Variants in SIK2 observed in about 807,000 individuals in gnomAD.
The protein encoded by SIK2 is serine/threonine-protein kinase SIK2.
In SIK2, 29 loss-of-function variants were observed where a neutral mutation model predicts 103.2. The ratio of observed to expected loss-of-function variants is 0.28; its 90% CI spans 0.21 to 0.38. The LOEUF is 0.38. Ranked by LOEUF, SIK2 falls within the 10% of genes least tolerant of loss-of-function variation. SIK2 has a pLI of 1.00. For synonymous variants in SIK2, 412 were observed against 446.1 expected (o/e 0.92, Z 0.96); for missense variants, 879 against 1,171.0 (o/e 0.75, Z 3.64).
intron 8 of SIK2, 87 bp from the exon 9 acceptor site, chr11:111,712,123 AG>A: frequency 7.7e-7 from 1 of 1,305,600 alleles, no homozygotes; most frequent in Non-Finnish European, 1.1e-6. Context: ...TAATTGCCAC[AG>A]GAAGAATTAT....
intron 10 of SIK2, 80 bp from the exon 11 acceptor site, chr11:111,720,398 C>T (rs1423963116): frequency 7.1e-7 from 1 of 1,403,912 alleles, no homozygotes; most frequent in African/African-American, 1.4e-5. Context: ...TGTCAAAACT[C>T]AAGCTGGTTA....
At chr11:111,622,456 G>T (rs1039507733) in intron 3 of SIK2, among the ~76,000 whole-genome samples, 1 of 151,396 alleles carries the variant, frequency 6.6e-6, no homozygotes, top group Admixed American at 6.6e-5. Flanking sequence ...GGGTTTCACC[G>T]TGTTAGCCAG....
At position 111,730,144 on chromosome 11, in the gene SIK2, C is replaced by A. The variant is rs951777069; in HGVS notation, c.*6015C>A. 1 of 152,232 alleles carries A rather than the reference C, an allele frequency of 6.6e-6. No individual in the cohort carries two copies. Among genetic ancestry groups the A allele is most frequent in the African/African-American group, 2.4e-5 (1 of 41,480 alleles). The allele number at this position is 152,232 out of a possible 1,614,324, so 9.4% of individuals were successfully genotyped here. On this transcript the variant is annotated 3_prime_UTR_variant, in exon 15 of 15. Transcript: ENST00000304987. ...AGTAATAACAGACTTTGACTTAATACTCTGTCTTTTCAGAGGCAAAGTGGG... is the reference window on the plus strand; with the variant it reads ...AGTAATAACAGACTTTGACTTAATAATCTGTCTTTTCAGAGGCAAAGTGGG...
Position 111,703,199 on chromosome 11 carries a change from A to G in SIK2, c.728-4A>G. On this transcript the variant is annotated splice_polypyrimidine_tract_variant and splice_region_variant and intron_variant, in intron 6 of 14. Coordinates refer to ENST00000304987, the MANE Select transcript of SIK2 (RefSeq NM_015191.3). ...TGACTTTTGTAACATTGTGTTTTCT[A>G]TAGATTGCGAGCACCTTATCCGAAG... The G allele has an allele frequency of 6.2e-7, 1 of 1,613,760 alleles. No homozygotes were observed. The highest frequency in any genetic ancestry group is 8.5e-7 in the Non-Finnish European group (1 of 1,179,844).
chr11:111,721,110 TGA>T, intron 12 of SIK2, 48 bp downstream of exon 12: 1 of 1,566,666 alleles, frequency 6.4e-7, no homozygotes, highest in African/African-American at 1.4e-5. Context: ...GGATGAGGTG[TGA>T]GTTTGTCCTG....
intron 3 of SIK2, among the ~76,000 whole-genome samples, chr11:111,635,765 A>G (rs929094591): frequency 1.3e-5 from 2 of 152,246 alleles, no homozygotes; most frequent in Non-Finnish European, 2.9e-5. Context: ...GATTTCAGCT[A>G]TCTCCTGCTG....
chr11:111,610,119 A>G (rs964708461), intron 1 of SIK2, among the ~76,000 whole-genome samples: 2 of 152,242 alleles, frequency 1.3e-5, no homozygotes, highest in African/African-American at 4.8e-5. Context: ...ACCCAAAAGC[A>G]ACTTTTGTAT....
intron 3 of SIK2, among the ~76,000 whole-genome samples, chr11:111,648,405 C>A (rs1393050842): frequency 6.6e-6 from 1 of 152,100 alleles, no homozygotes; most frequent in Non-Finnish European, 1.5e-5. Context: ...CTTCTCACTG[C>A]ATCCTCACAC....
intron 7 of SIK2, 66 bp from the exon 8 acceptor site, chr11:111,704,921 G>T: frequency 4.9e-6 from 7 of 1,431,144 alleles, no homozygotes; most frequent in South Asian, 4.3e-5. Context: ...TTTTTTTTTA[G>T]GCATGTGTAG....
chr11:111,702,651 T>C (rs1329260206), intron 6 of SIK2, among the ~76,000 whole-genome samples: 2 of 152,150 alleles, frequency 1.3e-5, no homozygotes, highest in Non-Finnish European at 2.9e-5. Context: ...GGTTACCTTA[T>C]GTGTGAGTGA....
At chr11:111,682,695 T>C (rs1942792395) in intron 3 of SIK2, among the ~76,000 whole-genome samples, 1 of 152,262 alleles carries the variant, frequency 6.6e-6, no homozygotes, top group Non-Finnish European at 1.5e-5. Flanking sequence ...TTCATTATAC[T>C]ATTTAATATG....
chr11:111,719,754 C>T, intron 9 of SIK2, 21 bp from the exon 10 acceptor site: 2 of 1,603,450 alleles, frequency 1.2e-6, no homozygotes, highest in Non-Finnish European at 8.5e-7. Flanking sequence ...AACTGAGTTT[C>T]CTCTCTCCCC....
intron 9 of SIK2, among the ~76,000 whole-genome samples, chr11:111,717,177 G>T (rs4936662): frequency 0.24 from 36,816 of 151,672 alleles, 4,659 homozygotes; most frequent in Middle Eastern, 0.31. Flanking sequence ...TTAGCCGGGC[G>T]TGGTGATGGG....
At position 111,692,816 on chromosome 11, in the gene SIK2, G is replaced by GT. The variant is rs925234480; in HGVS notation, c.478+4664dup. 2.8e-3 allele frequency among the ~76,000 whole-genome samples: 412 copies of GT among 145,986 alleles called. 1 individual carries two copies. The highest frequency in any genetic ancestry group is 4.9e-3 in the Admixed American group (72 of 14,646). On this transcript the variant is annotated intron_variant, in intron 4 of 14. Coordinates refer to ENST00000304987, the MANE Select transcript of SIK2 (RefSeq NM_015191.3). ...TCCCTCAAATTATACTTTTTTCTGG[G>GT]TTTTTTTTTTGGCTTATGAAAATCT... is the stretch of plus-strand genomic sequence containing the variant.
In SIK2 at chr11:111,630,926, G is replaced by A. The variant is rs1449880515; in HGVS notation, c.316+10524G>A. 2.0e-5 allele frequency among the ~76,000 whole-genome samples: 3 copies of A among 152,086 alleles called. No individual in the cohort carries two copies. The East Asian group carries it at 5.8e-4, about 29-fold the overall frequency. On this transcript the variant is annotated intron_variant, in intron 3 of 14. Transcript: ENST00000304987. ...TTGAGGGGTAATAGGGTCTACATAG[G>A]ATTCAGTATTATGTAATGGTTTTGG...
intron 9 of SIK2, among the ~76,000 whole-genome samples, chr11:111,713,112 C>G (rs549909918): frequency 6.6e-6 from 1 of 152,156 alleles, no homozygotes; most frequent in African/African-American, 2.4e-5. Flanking sequence ...TGGCAGTGAG[C>G]CGAGATCACA....
rs1387648458 is a variant in SIK2 at position 111,616,293 on chromosome 11, G to A, written c.186G>A (p.Glu62=). The A allele has an allele frequency of 2.5e-6, 4 of 1,613,576 alleles. No homozygotes were observed. In the African/African-American group the frequency reaches 5.3e-5, roughly 22 times the overall value. ...CTCAGCTGGATGCAGTGAACCTTGAGAAAATCTACCGAGAAGTACAAATAA... is the reference window on the plus strand; with the variant it reads ...CTCAGCTGGATGCAGTGAACCTTGAAAAAATCTACCGAGAAGTACAAATAA... ...DKSQLDAVNL[E]KIYREVQIMK... Residue 62 remains glutamate, a synonymous_variant, in exon 2 of 15, where the codon GAG becomes GAA. Coordinates refer to ENST00000304987, the MANE Select transcript of SIK2 (RefSeq NM_015191.3).
chr11:111,679,866 T>C (rs1258704069), intron 3 of SIK2, among the ~76,000 whole-genome samples: 2 of 152,140 alleles, frequency 1.3e-5, no homozygotes, highest in Non-Finnish European at 2.9e-5. Context: ...GGCTCACGCC[T>C]ATAATCCCAG....
At chr11:111,654,095 T>C (rs961444419) in intron 3 of SIK2, among the ~76,000 whole-genome samples, 1 of 152,226 alleles carries the variant, frequency 6.6e-6, no homozygotes, top group African/African-American at 2.4e-5. Context: ...TATATGTTAG[T>C]AAATATTTTT....
Sources: gnomAD v4.1 joint callset for allele counts (sites outside exome capture counted in the v4.1 genomes callset) on GRCh38, gnomAD v4.1.1 for gene constraint, MANE v1.5 for transcripts, NCBI Gene and HGNC (gene_info 2026-07-23, HGNC 2026-07-21) for gene names.